The following RASSF6 variants were observed in gnomAD, a reference collection of about 807,000 sequenced individuals.
RASSF6 encodes the protein ras association domain-containing protein 6.
RASSF6 carries 52 observed loss-of-function variants against 44.0 expected under a neutral mutation model. The ratio of observed to expected loss-of-function variants is 1.18; its 90% CI spans 0.95 to 1.49. The LOEUF (loss-of-function observed/expected upper bound fraction) is 1.49. Ranked by LOEUF, RASSF6 falls within the 40% of genes most tolerant of loss-of-function variation. The pLI is 0.00. For missense variants in RASSF6, 464 were observed against 393.3 expected, an observed-to-expected ratio of 1.18 and a Z score of -1.52; for synonymous variants, 162 against 124.6, an observed-to-expected ratio of 1.30 and a Z score of -2.00.
intron 3 of RASSF6, among the ~76,000 whole-genome samples, chr4:73,596,820 A>T (rs542985599): frequency 6.6e-6 from 1 of 152,194 alleles, no homozygotes; most frequent in African/African-American, 2.4e-5. Context: ...ATGAGACTGC[A>T]TATCTACAAG....
chr4:73,601,598 C>A (rs1283185264), intron 2 of RASSF6, among the ~76,000 whole-genome samples: 1 of 152,080 alleles, frequency 6.6e-6, no homozygotes, highest in Non-Finnish European at 1.5e-5. Flanking sequence ...ATTAGTGGTG[C>A]AATACAAAGC....
intron 8 of RASSF6, among the ~76,000 whole-genome samples, chr4:73,577,441 A>ATAG (rs1723311988): frequency 6.6e-6 from 1 of 152,210 alleles, no homozygotes; most frequent in Admixed American, 6.5e-5. Flanking sequence ...TGAACAAAAC[A>ATAG]TAGTGTCCTT....
At chr4:73,607,770 A>G (rs558419586) in intron 2 of RASSF6, among the ~76,000 whole-genome samples, 2 of 152,162 alleles carry the variant, frequency 1.3e-5, no homozygotes, top group Admixed American at 1.3e-4. Flanking sequence ...CTCAGGTTTG[A>G]GCTACAGCTT....
intron 2 of RASSF6, 67 bp from the exon 3 acceptor site, chr4:73,598,785 C>A: frequency 1.5e-6 from 1 of 671,384 alleles, no homozygotes; most frequent in South Asian, 2.0e-5. Flanking sequence ...GATAATGGTA[C>A]TTTCATAAAG....
intron 4 of RASSF6, among the ~76,000 whole-genome samples, chr4:73,588,182 G>T (rs1724253990): frequency 6.6e-6 from 1 of 151,988 alleles, no homozygotes; most frequent in Admixed American, 6.6e-5. Flanking sequence ...GTTACATACT[G>T]AAACACAAGT....
In RASSF6 at chr4:73,620,282, T is replaced by G. The variant is rs1560466693; in HGVS notation, c.-35+6A>C. 1.4e-6 allele frequency: 2 copies of G among 1,408,284 alleles called. No individual in the cohort carries two copies. The highest frequency in any genetic ancestry group is 2.9e-5 in the East Asian group (1 of 34,956). The allele number at this position is 1,408,284 out of a possible 1,614,324, so 87.2% of individuals were successfully genotyped here. On this transcript the variant is annotated splice_donor_region_variant and intron_variant, in intron 1 of 10. Coordinates refer to ENST00000307439, the MANE Select transcript of RASSF6 (RefSeq NM_177532.5). ...GAAAGTTTTTTTCCCCATCCCCATT[T>G]TTTACCTGTTATTCACACTGTGAGC...
intron 2 of RASSF6, among the ~76,000 whole-genome samples, chr4:73,606,988 T>C (rs1725686482): frequency 6.6e-6 from 1 of 152,170 alleles, no homozygotes; most frequent in Non-Finnish European, 1.5e-5. Context: ...AACGGGAGAC[T>C]TCCTGACACA....
intron 8 of RASSF6, among the ~76,000 whole-genome samples, chr4:73,580,158 T>G (rs900128746): frequency 1.3e-5 from 2 of 151,968 alleles, no homozygotes; most frequent in African/African-American, 4.8e-5. Context: ...TTACTAAGAA[T>G]GATGATTTCC....
At chr4:73,601,394 T>C (rs1388457582) in intron 2 of RASSF6, among the ~76,000 whole-genome samples, 1 of 152,222 alleles carries the variant, frequency 6.6e-6, no homozygotes, top group Non-Finnish European at 1.5e-5. Context: ...GCCTGAAATA[T>C]TTCTAATCTG....
chr4:73,615,062 C>A (rs549911068), intron 1 of RASSF6, among the ~76,000 whole-genome samples: 2 of 151,090 alleles, frequency 1.3e-5, no homozygotes, highest in South Asian at 4.2e-4. Context: ...ACTTTTAATC[C>A]CAGCTACCTG....
intron 1 of RASSF6, 22 bp from the exon 2 acceptor site, chr4:73,611,851 A>G (rs914143978): frequency 6.8e-7 from 1 of 1,471,490 alleles, no homozygotes; most frequent in Non-Finnish European, 9.5e-7. Context: ...AATAATATTA[A>G]TGATTTGTTC....
intron 4 of RASSF6, among the ~76,000 whole-genome samples, chr4:73,589,015 A>C (rs541256127): frequency 6.6e-6 from 1 of 152,276 alleles, no homozygotes; most frequent in Admixed American, 6.5e-5. Flanking sequence ...TGGTGGCAAC[A>C]AAAAATATTT....
chr4:73,576,099 C>G lies in RASSF6; in HGVS notation c.*136G>C, dbSNP rs1028992568. 1.9e-5 allele frequency: 10 copies of G among 540,300 alleles called. No homozygotes were observed. In the East Asian group the frequency reaches 2.8e-4, roughly 15 times the overall value. The allele number at this position is 540,300 out of a possible 1,614,324, so 33.5% of individuals were successfully genotyped here. A position where few individuals can be genotyped will look rare whatever the true frequency, so the allele number is the denominator to read the frequency against. ...CCTCATCACTTCAAAAAGAAATGAG[C>G]TTTTTTTGACATTCAATTTTCTACG... On this transcript the variant is annotated 3_prime_UTR_variant, in exon 11 of 11. Coordinates refer to ENST00000307439, the MANE Select transcript of RASSF6 (RefSeq NM_177532.5).
rs370959340 is a variant in RASSF6, at chr4:73,608,285, ACCT to A, written c.65+3443_65+3445del. Among the ~76,000 whole-genome samples the A allele has an allele frequency of 2.5e-4, 38 of 151,892 alleles. No individual in the cohort carries two copies. In the South Asian group the frequency reaches 7.9e-3, roughly 32 times the overall value. Reference sequence around the variant, plus strand: ...AGACAAATGATCTCATCGTTTTTAAACCTCCTTAATTGATAAAACAGGTAACTG... The same window carrying A: ...AGACAAATGATCTCATCGTTTTTAAACCTTAATTGATAAAACAGGTAACTG... On this transcript the variant is annotated intron_variant, in intron 2 of 10. Transcript: ENST00000307439.
chr4:73,595,731 G>A (rs958206470), intron 3 of RASSF6, among the ~76,000 whole-genome samples: 1 of 151,922 alleles, frequency 6.6e-6, no homozygotes, highest in African/African-American at 2.4e-5. Context: ...TTAAGATACA[G>A]GACAATGTTG....
intron 9 of RASSF6, 44 bp downstream of exon 9, chr4:73,576,569 C>T (rs779469441): frequency 6.4e-7 from 1 of 1,566,996 alleles, no homozygotes; most frequent in East Asian, 2.2e-5. Context: ...GGTGCTGAGT[C>T]AGGAGGGAAG....
At chr4:73,598,068 C>T (rs1247651) in intron 3 of RASSF6, among the ~76,000 whole-genome samples, 44,528 of 151,998 alleles carry the variant, frequency 0.29, 6,829 homozygotes, top group Admixed American at 0.4. Context: ...ACCACCATGA[C>T]ACATGTTTAC....
chr4:73,603,052 C>T (rs1725388470), intron 2 of RASSF6, among the ~76,000 whole-genome samples: 1 of 152,072 alleles, frequency 6.6e-6, no homozygotes, highest in Non-Finnish European at 1.5e-5. Flanking sequence ...TGCGCCACTG[C>T]ACTCCAGCCT....
intron 5 of RASSF6, 75 bp downstream of exon 5, chr4:73,587,765 C>A: frequency 1.2e-6 from 1 of 849,506 alleles, no homozygotes; most frequent in Non-Finnish European, 1.9e-6. Context: ...GGTTAGATTT[C>A]AGAGAAACAT....
Sources: gnomAD v4.1 joint callset for allele counts (sites outside exome capture counted in the v4.1 genomes callset) on GRCh38, gnomAD v4.1.1 for gene constraint, MANE v1.5 for transcripts, NCBI Gene and HGNC (gene_info 2026-07-23, HGNC 2026-07-21) for gene names.